CDYL: variants seen among roughly 807,000 people sequenced by gnomAD.
CDYL encodes the protein chromodomain Y like, also known as chromodomain Y-like protein.
CDYL carries 8 observed loss-of-function variants against 47.3 expected under a neutral mutation model. The observed-to-expected ratio is 0.17, with a 90% confidence interval of 0.10 to 0.31. The LOEUF (loss-of-function observed/expected upper bound fraction) is 0.31. CDYL is among the 10% of genes least tolerant of loss of function. The probability of loss-of-function intolerance (pLI) is 1.00; values close to 1 mark genes in which losing one functional copy is unlikely to be tolerated. For synonymous variants in CDYL, 266 were observed against 265.0 expected, an observed-to-expected ratio of 1.00 and a Z score of -0.04; for missense variants, 471 against 701.4, an observed-to-expected ratio of 0.67 and a Z score of 3.71.
chr6:4,860,780 T>A (rs1021358921), intron 1 of CDYL, among the ~76,000 whole-genome samples: 9 of 151,976 alleles, frequency 5.9e-5, no homozygotes, highest in African/African-American at 2.2e-4. Flanking sequence ...GAGTCCGATG[T>A]TCAAGGGCAG....
intron 1 of CDYL, chr6:4,890,225 C>T (rs1486286707): frequency 2.3e-6 from 2 of 888,524 alleles, no homozygotes; most frequent in East Asian, 1.2e-4. Context: ...ACTATTTCTG[C>T]AAAAACGTCA....
At chr6:4,903,217 G>A (rs748296529) in intron 2 of CDYL, among the ~76,000 whole-genome samples, 2 of 152,192 alleles carry the variant, frequency 1.3e-5, no homozygotes, top group Non-Finnish European at 2.9e-5. Context: ...CAAATCAGAC[G>A]AGTCAGCAGG....
intron 1 of CDYL, among the ~76,000 whole-genome samples, chr6:4,846,063 A>T (rs551820533): frequency 1.3e-5 from 2 of 152,302 alleles, no homozygotes; most frequent in Admixed American, 1.3e-4. Flanking sequence ...ATTATGTTAG[A>T]ACAGTCATTT....
At chr6:4,884,490 G>A (rs992679005) in intron 1 of CDYL, among the ~76,000 whole-genome samples, 1 of 152,232 alleles carries the variant, frequency 6.6e-6, no homozygotes, top group Non-Finnish European at 1.5e-5. Flanking sequence ...CAGAAGCCGA[G>A]ACAGTATAAA....
At chr6:4,868,275 A>G (rs1033486647) in intron 1 of CDYL, among the ~76,000 whole-genome samples, 1 of 151,914 alleles carries the variant, frequency 6.6e-6, no homozygotes, top group Admixed American at 6.6e-5. Context: ...CATTGGCTAC[A>G]TTTCATAAAT....
intron 1 of CDYL, among the ~76,000 whole-genome samples, chr6:4,886,192 T>C (rs1761895819): frequency 6.6e-6 from 1 of 152,238 alleles, no homozygotes; most frequent in Admixed American, 6.5e-5. Flanking sequence ...TTATAAACAG[T>C]GCTGCTATGA....
chr6:4,901,725 CAA>C (rs1757060459), intron 2 of CDYL, among the ~76,000 whole-genome samples: 1 of 152,144 alleles, frequency 6.6e-6, no homozygotes, highest in Non-Finnish European at 1.5e-5. Flanking sequence ...CAGTATTACT[CAA>C]GACTTTCGCT....
intron 1 of CDYL, among the ~76,000 whole-genome samples, chr6:4,847,123 T>TC (rs1398731554): frequency 6.6e-6 from 1 of 152,208 alleles, no homozygotes; most frequent in Admixed American, 6.5e-5. Context: ...ATGCCACCAG[T>TC]GGCCCTCTAA....
At chr6:4,868,234 T>C (rs1761376809) in intron 1 of CDYL, among the ~76,000 whole-genome samples, 1 of 151,956 alleles carries the variant, frequency 6.6e-6, no homozygotes, top group Non-Finnish European at 1.5e-5. Context: ...ATGACATAAG[T>C]GTTTAAAACT....
intron 2 of CDYL, among the ~76,000 whole-genome samples, chr6:4,930,561 G>A (rs1758003338): frequency 6.6e-6 from 1 of 152,212 alleles, no homozygotes; most frequent in South Asian, 2.1e-4. Flanking sequence ...TCCAGTGCCT[G>A]CAAACAGTTG....
At position 4,873,099 on chromosome 6, in the gene CDYL, T is replaced by C. The variant is rs866308548; in HGVS notation, c.25-18614T>C. ...TTTATACAATACACATATATAGACA[T>C]GATTCAATTTGTGATTTGTCAAGTA... On this transcript the variant is annotated intron_variant, in intron 1 of 6. Transcript: ENST00000397588. Among the ~76,000 whole-genome samples the C allele has an allele frequency of 3.9e-5, 6 of 152,336 alleles. No individual in the cohort carries two copies. The Middle Eastern group carries it at 0.01, about 259-fold the overall frequency.
At chr6:4,933,874 C>T (rs1758105033) in intron 2 of CDYL, among the ~76,000 whole-genome samples, 1 of 152,132 alleles carries the variant, frequency 6.6e-6, no homozygotes, top group East Asian at 1.9e-4. Flanking sequence ...AATAGTAGTG[C>T]GTATTGCAGT....
At chr6:4,944,848 C>T (rs1433085595) in intron 5 of CDYL, among the ~76,000 whole-genome samples, 3 of 152,132 alleles carry the variant, frequency 2.0e-5, no homozygotes, top group Admixed American at 1.3e-4. Flanking sequence ...ACCACCTTGC[C>T]GAGTGGTCAG....
chr6:4,798,649 T>C (rs189116179), intron 1 of CDYL, among the ~76,000 whole-genome samples: 1 of 152,362 alleles, frequency 6.6e-6, no homozygotes, highest in East Asian at 1.9e-4. Flanking sequence ...TCTATAATTT[T>C]CTTATTTCAC....
chr6:4,899,544 G>C (rs953363039), intron 2 of CDYL, among the ~76,000 whole-genome samples: 1 of 152,168 alleles, frequency 6.6e-6, no homozygotes, highest in Non-Finnish European at 1.5e-5. Context: ...GAAGACAAAG[G>C]CTGTTTAGTA....
At chr6:4,849,672 G>A (rs187699928) in intron 1 of CDYL, among the ~76,000 whole-genome samples, 16 of 138,872 alleles carry the variant, frequency 1.2e-4, no homozygotes, top group African/African-American at 4.9e-4. Context: ...CCCCAAACTG[G>A]TCATGCCAGG....
chr6:4,789,753 A>G (rs896732348), intron 1 of CDYL, among the ~76,000 whole-genome samples: 4 of 151,734 alleles, frequency 2.6e-5, no homozygotes, highest in African/African-American at 9.7e-5. Flanking sequence ...GCTCTTTCCC[A>G]CCTACTCTGG....
At chr6:4,905,620 G>A (rs1010804980) in intron 2 of CDYL, among the ~76,000 whole-genome samples, 5 of 152,208 alleles carry the variant, frequency 3.3e-5, no homozygotes, top group Middle Eastern at 3.2e-3. Flanking sequence ...CAGTGAAGCC[G>A]TTGACTGCCT....
chr6:4,857,691 T>C lies in CDYL; in HGVS notation c.25-34022T>C, dbSNP rs139392379. ...TCACAGTACCACCTGTTCATGGATC[T>C]CTTCTGTCTGTTTCAATACAATCTG... is the stretch of plus-strand genomic sequence containing the variant. On this transcript the variant is annotated intron_variant, in intron 1 of 6. Transcript: ENST00000397588. Among the ~76,000 whole-genome samples the C allele has an allele frequency of 6.4e-3, 977 of 152,356 alleles. 29 individuals are homozygous for C. In the East Asian group the frequency reaches 0.073, roughly 11 times the overall value.
Sources: allele counts gnomAD v4.1 joint callset (sites outside exome capture counted in the v4.1 genomes callset), GRCh38; gene constraint gnomAD v4.1.1; transcripts MANE v1.5; gene names NCBI Gene and HGNC (gene_info 2026-07-23, HGNC 2026-07-21).